Variants in CNIH3 observed in about 807,000 individuals in gnomAD.
CNIH3 encodes protein cornichon homolog 3.
In CNIH3, 14 loss-of-function variants were observed where a neutral mutation model predicts 24.1. The observed-to-expected ratio is 0.58, with a 90% CI of 0.38 to 0.91. The LOEUF is 0.91. Ranked by LOEUF, CNIH3 falls within the 40% of genes least tolerant of loss-of-function variation. The pLI is 0.00. For synonymous variants in CNIH3, 68 were observed against 73.8 expected (o/e 0.92, Z 0.40); for missense variants, 178 against 196.8 (o/e 0.90, Z 0.57).
intron 3 of CNIH3, chr1:224,565,436 G>A (rs891399161): frequency 2.6e-5 from 4 of 152,236 alleles, no homozygotes; most frequent in Non-Finnish European, 4.4e-5. Context: ...TTTGTCCAGC[G>A]GGCCTGAAGC....
At chr1:224,519,721 A>G (rs567211174) in intron 1 of CNIH3, among the ~76,000 whole-genome samples, 1 of 150,616 alleles carries the variant, frequency 6.6e-6, no homozygotes, top group Non-Finnish European at 1.5e-5. Flanking sequence ...AAAATATATA[A>G]TATGTGACAT....
At chr1:224,721,879 A>G (rs1163314281) in intron 3 of CNIH3, among the ~76,000 whole-genome samples, 1 of 152,186 alleles carries the variant, frequency 6.6e-6, no homozygotes. Context: ...CCTCCGTCCC[A>G]GGAATATGCC....
chr1:224,476,157 T>C (rs1676579280), intron 1 of CNIH3, among the ~76,000 whole-genome samples: 2 of 152,188 alleles, frequency 1.3e-5, no homozygotes, highest in East Asian at 3.8e-4. Context: ...AGTAGAAAAC[T>C]GAAAGCATTT....
At chr1:224,574,583 G>A (rs1680955108) in intron 4 of CNIH3, 2 of 789,690 alleles carry the variant, frequency 2.5e-6, no homozygotes, top group East Asian at 4.9e-5. Flanking sequence ...ACGTGTACCA[G>A]AATGAGAATG....
chr1:224,610,336 A>T (rs1431248154), intron 3 of CNIH3, among the ~76,000 whole-genome samples: 1 of 152,180 alleles, frequency 6.6e-6, no homozygotes, highest in Non-Finnish European at 1.5e-5. Flanking sequence ...TGTAATTTCC[A>T]TGTGTCGAGG....
At chr1:224,588,858 T>C (rs562738545), downstream of CNIH3, among the ~76,000 whole-genome samples, 1 of 137,474 alleles carries the variant, frequency 7.3e-6, no homozygotes, top group African/African-American at 2.9e-5. Flanking sequence ...TTCTCAGGCT[T>C]TGGAACCTGC....
chr1:224,664,677 A>G (rs778409404), intron 1 of CNIH3: 5 of 152,204 alleles, frequency 3.3e-5, no homozygotes, highest in Non-Finnish European at 5.9e-5. Flanking sequence ...CTTTATGGAC[A>G]AGGACAGCTA....
At chr1:224,490,874 C>CA (rs915957561) in intron 1 of CNIH3, among the ~76,000 whole-genome samples, 17 of 151,400 alleles carry the variant, frequency 1.1e-4, no homozygotes, top group Admixed American at 4.6e-4. Flanking sequence ...AAATTTAAGA[C>CA]AAAAAAAAGA....
At position 224,688,766 on chromosome 1, in the gene CNIH3, C is replaced by G. The variant is rs562144457; in HGVS notation, c.198+3923C>G. 2.1e-3 allele frequency among the ~76,000 whole-genome samples: 318 copies of G among 151,930 alleles called. 1 individual carries two copies. Among genetic ancestry groups the G allele is most frequent in the African/African-American group, 7.2e-3 (297 of 41,434 alleles). On this transcript the variant is annotated intron_variant, in intron 3 of 5. Coordinates refer to ENST00000272133, the MANE Select transcript of CNIH3 (RefSeq NM_152495.2). ...GACCAGCCTGGCCAACATGGTGAAA[C>G]CCCCACAAATTAGTCGGGCGTGGTG...
intron 4 of CNIH3, among the ~76,000 whole-genome samples, chr1:224,581,343 A>G (rs962992828): frequency 2.0e-5 from 3 of 152,194 alleles, no homozygotes; most frequent in Non-Finnish European, 2.9e-5. Flanking sequence ...AAAAGGCATC[A>G]TTACAGGGAA....
intron 1 of CNIH3, among the ~76,000 whole-genome samples, chr1:224,631,806 A>G (rs546963394): frequency 5.9e-5 from 9 of 152,178 alleles, no homozygotes; most frequent in Non-Finnish European, 5.9e-5. Flanking sequence ...AGGAAAGCAG[A>G]GTCTTGGCAC....
intron 1 of CNIH3, among the ~76,000 whole-genome samples, chr1:224,484,233 A>G (rs971754485): frequency 6.6e-6 from 1 of 150,892 alleles, no homozygotes; most frequent in Non-Finnish European, 1.5e-5. Flanking sequence ...GATCGAAACC[A>G]TCCTGGCTAA....
intron 1 of CNIH3, among the ~76,000 whole-genome samples, chr1:224,671,592 G>A (rs780357946): frequency 1.2e-4 from 18 of 152,202 alleles, no homozygotes; most frequent in Non-Finnish European, 2.5e-4. Context: ...CATTGCTAAC[G>A]ACCTCTCATT....
downstream of CNIH3, among the ~76,000 whole-genome samples, chr1:224,589,323 T>C (rs940762762): frequency 6.6e-6 from 1 of 152,190 alleles, no homozygotes; most frequent in African/African-American, 2.4e-5. Context: ...TAACACATTA[T>C]AGAAACACAC....
intron 1 of CNIH3, among the ~76,000 whole-genome samples, chr1:224,444,266 A>G (rs909945985): frequency 6.6e-6 from 1 of 152,226 alleles, no homozygotes; most frequent in African/African-American, 2.4e-5. Flanking sequence ...TATGCAATTA[A>G]TCTCAAAATT....
chr1:224,598,515 A>T (rs546293600), intron 3 of CNIH3, among the ~76,000 whole-genome samples: 2 of 152,358 alleles, frequency 1.3e-5, no homozygotes, highest in South Asian at 4.1e-4. Context: ...GTTCTACTAT[A>T]GGCAAAATGC....
At chr1:224,620,300 T>C (rs1020115418) in intron 1 of CNIH3, among the ~76,000 whole-genome samples, 20 of 152,360 alleles carry the variant, frequency 1.3e-4, no homozygotes, top group African/African-American at 4.1e-4. Context: ...TCAGAGAGAT[T>C]ACAAGGTTGC....
At chr1:224,673,110 G>T (rs1467860435) in intron 1 of CNIH3, among the ~76,000 whole-genome samples, 1 of 152,162 alleles carries the variant, frequency 6.6e-6, no homozygotes, top group Non-Finnish European at 1.5e-5. Context: ...TGTCAGCCCA[G>T]CACCTGTTCC....
At chr1:224,524,296 G>C (rs1202139915) in intron 2 of CNIH3, among the ~76,000 whole-genome samples, 1 of 152,196 alleles carries the variant, frequency 6.6e-6, no homozygotes, top group East Asian at 1.9e-4. Flanking sequence ...AGTCCTTGCT[G>C]TTCTTGTCCA....
Sources: allele counts gnomAD v4.1 joint callset (sites outside exome capture counted in the v4.1 genomes callset), GRCh38; gene constraint gnomAD v4.1.1; transcripts MANE v1.5; gene names NCBI Gene and HGNC (gene_info 2026-07-23, HGNC 2026-07-21).